Variants in EPB41 observed in about 807,000 individuals in gnomAD.
EPB41 encodes protein 4.1.
EPB41 carries 65 observed loss-of-function variants against 108.0 expected under a neutral mutation model. That is an observed-to-expected ratio of 0.60 (90% CI 0.49 to 0.74). The LOEUF is 0.74. EPB41 is among the 30% of genes least tolerant of loss of function. The probability of loss-of-function intolerance (pLI) is 0.00; values close to 1 mark genes in which losing one functional copy is unlikely to be tolerated. For missense variants in EPB41, 875 were observed against 1,037.0 expected (o/e 0.84, Z 2.15); for synonymous variants, 336 against 358.9 (o/e 0.94, Z 0.72).
At chr1:29,087,144 T>C (rs1659364231) in intron 16 of EPB41, among the ~76,000 whole-genome samples, 1 of 151,936 alleles carries the variant, frequency 6.6e-6, no homozygotes, top group Non-Finnish European at 1.5e-5. Context: ...GGTTTTACCA[T>C]GTTAGCCAGG....
intron 7 of EPB41, among the ~76,000 whole-genome samples, chr1:29,029,868 TC>T (rs2096767002): frequency 6.6e-6 from 1 of 152,228 alleles, no homozygotes; most frequent in African/African-American, 2.4e-5. Context: ...AATTTTCTTT[TC>T]ATCAAGCCTG....
intron 1 of EPB41, among the ~76,000 whole-genome samples, chr1:28,981,638 A>C (rs1051921515): frequency 6.6e-6 from 1 of 152,156 alleles, no homozygotes. Context: ...TCTGTATTTC[A>C]TCTTCACATC....
At chr1:28,971,310 A>G (rs2149306413) in intron 1 of EPB41, among the ~76,000 whole-genome samples, 1 of 149,820 alleles carries the variant, frequency 6.7e-6, no homozygotes, top group South Asian at 2.1e-4. Context: ...CAGCCTCCCA[A>G]GTAGCTGGGA....
chr1:28,952,617 A>G (rs1377420151), intron 1 of EPB41, among the ~76,000 whole-genome samples: 1 of 152,206 alleles, frequency 6.6e-6, no homozygotes, highest in Non-Finnish European at 1.5e-5. Context: ...ACATTCCTCC[A>G]TAGGAAGATA....
At chr1:29,035,452 C>T (rs1340047067) in intron 9 of EPB41, among the ~76,000 whole-genome samples, 1 of 152,052 alleles carries the variant, frequency 6.6e-6, no homozygotes, top group East Asian at 1.9e-4. Context: ...GTCAATATCC[C>T]ATTCCCTGTT....
intron 2 of EPB41, 122 bp downstream of exon 2, chr1:28,988,027 C>T: frequency 9.7e-7 from 1 of 1,026,682 alleles, no homozygotes; most frequent in Non-Finnish European, 1.5e-6. Flanking sequence ...CTTTGGGAGG[C>T]CGAGGCAGGC....
chr1:29,046,745 T>C (rs919179712), intron 11 of EPB41, among the ~76,000 whole-genome samples: 19 of 152,200 alleles, frequency 1.2e-4, no homozygotes, highest in African/African-American at 4.3e-4. Flanking sequence ...GAATTAGTGT[T>C]ACTTTTATCA....
chr1:29,108,718 C>T (rs1035796746), intron 17 of EPB41, among the ~76,000 whole-genome samples: 6 of 151,282 alleles, frequency 4.0e-5, no homozygotes, highest in Non-Finnish European at 7.4e-5. Context: ...CCACCACGTC[C>T]GGCTAATTTT....
chr1:29,009,198 T>G (rs542195719), intron 4 of EPB41, among the ~76,000 whole-genome samples: 1 of 151,878 alleles, frequency 6.6e-6, no homozygotes, highest in African/African-American at 2.4e-5. Context: ...ATTCCTCAAA[T>G]ATTTGTTGGC....
At chr1:28,947,478 G>A (rs532176517) in intron 1 of EPB41, among the ~76,000 whole-genome samples, 55 of 151,982 alleles carry the variant, frequency 3.6e-4, no homozygotes, top group African/African-American at 1.3e-3. Flanking sequence ...AGGGCAAATG[G>A]CTTTCTTTTT....
chr1:28,998,686 A>T (rs1453638867), intron 4 of EPB41, among the ~76,000 whole-genome samples: 1 of 152,200 alleles, frequency 6.6e-6, no homozygotes, highest in Non-Finnish European at 1.5e-5. Context: ...GGTTAATATT[A>T]TTCTTTAAAG....
chr1:29,102,991 T>G (rs1344208951), intron 17 of EPB41, among the ~76,000 whole-genome samples: 1 of 152,188 alleles, frequency 6.6e-6, no homozygotes, highest in Non-Finnish European at 1.5e-5. Context: ...CAGGCTGGTC[T>G]CGAACTCCTG....
chr1:28,934,346 G>A (rs1440839569), intron 1 of EPB41, among the ~76,000 whole-genome samples: 1 of 152,138 alleles, frequency 6.6e-6, no homozygotes, highest in African/African-American at 2.4e-5. Flanking sequence ...TTTCTCTGCT[G>A]TAAAGATACT....
At chr1:28,989,041 G>A (rs1382703474) in intron 2 of EPB41, among the ~76,000 whole-genome samples, 2 of 152,226 alleles carry the variant, frequency 1.3e-5, no homozygotes, top group Non-Finnish European at 1.5e-5. Flanking sequence ...ATCAGCAGAT[G>A]TGGTTCTTTT....
At chr1:29,073,343 C>T (rs1003579676) in intron 16 of EPB41, among the ~76,000 whole-genome samples, 1 of 152,064 alleles carries the variant, frequency 6.6e-6, no homozygotes, top group Non-Finnish European at 1.5e-5. Context: ...GAGAGGTTCA[C>T]TTAACTACTT....
At chr1:29,066,145 G>T (rs1453359393) in intron 16 of EPB41, among the ~76,000 whole-genome samples, 1 of 151,990 alleles carries the variant, frequency 6.6e-6, no homozygotes, top group African/African-American at 2.4e-5. Context: ...TCTGGGCCGG[G>T]CGCGGTGGCT....
chr1:29,025,841 C>T lies in EPB41; in HGVS notation c.1125-4559C>T, dbSNP rs554437930. 8.6e-5 allele frequency among the ~76,000 whole-genome samples: 13 copies of T among 151,546 alleles called. No homozygotes were observed. In the South Asian group the frequency reaches 1.9e-3, roughly 22 times the overall value. On this transcript the variant is annotated intron_variant, in intron 7 of 20. Transcript: ENST00000343067. Reference sequence around the variant, plus strand: ...GCCTAAGCAGAGTGAGGAGTGGGTCCGTGGGTTGGAGGGCAGCCTGGCATG... The same window carrying T: ...GCCTAAGCAGAGTGAGGAGTGGGTCTGTGGGTTGGAGGGCAGCCTGGCATG...
chr1:29,105,279 GGCTGCTGGAGT>G (rs1160541747), intron 17 of EPB41, among the ~76,000 whole-genome samples: 2 of 152,042 alleles, frequency 1.3e-5, no homozygotes, highest in African/African-American at 2.4e-5. Flanking sequence ...TTGTCATCCA[GGCTGCTGGAGT>G]GCAGTAGTAC....
At chr1:28,992,182 G>C (rs1054024328) in intron 2 of EPB41, among the ~76,000 whole-genome samples, 7 of 152,210 alleles carry the variant, frequency 4.6e-5, no homozygotes, top group African/African-American at 1.7e-4. Context: ...GGTCATGAAA[G>C]ATCGGAAGGA....
Sources: gnomAD v4.1 joint callset for allele counts (sites outside exome capture counted in the v4.1 genomes callset) on GRCh38, gnomAD v4.1.1 for gene constraint, MANE v1.5 for transcripts, NCBI Gene and HGNC (gene_info 2026-07-23, HGNC 2026-07-21) for gene names.